ASRGL1: variants seen among roughly 807,000 people sequenced by gnomAD.
ASRGL1 encodes the protein asparaginase and isoaspartyl peptidase 1.
ASRGL1 carries 16 observed loss-of-function variants against 22.4 expected under a neutral mutation model. The observed-to-expected ratio is 0.71, with a 90% confidence interval of 0.48 to 1.08. The LOEUF (loss-of-function observed/expected upper bound fraction) is 1.08. Ranked by LOEUF, ASRGL1 falls within the 50% of genes least tolerant of loss-of-function variation. The pLI is 0.00. For missense variants in ASRGL1, 412 were observed against 410.1 expected, an observed-to-expected ratio of 1.00 and a Z score of -0.04; for synonymous variants, 165 against 159.3, an observed-to-expected ratio of 1.04 and a Z score of -0.27.
At chr11:62,380,911 G>A (rs1437219424) in intron 4 of ASRGL1, among the ~76,000 whole-genome samples, 1 of 152,102 alleles carries the variant, frequency 6.6e-6, no homozygotes, top group Non-Finnish European at 1.5e-5. Context: ...TTTATGTAAT[G>A]CACTACCTTG....
At chr11:62,346,993 C>T (rs1050150505) in intron 2 of ASRGL1, among the ~76,000 whole-genome samples, 3 of 151,560 alleles carry the variant, frequency 2.0e-5, no homozygotes, top group African/African-American at 4.9e-5. Flanking sequence ...AGAAAAATAA[C>T]GTCTGACAAG....
chr11:62,390,781 C>T (rs1947317827), intron 5 of ASRGL1, among the ~76,000 whole-genome samples: 1 of 152,164 alleles, frequency 6.6e-6, no homozygotes, highest in Non-Finnish European at 1.5e-5. Flanking sequence ...GTCCTTGCCC[C>T]ATGTCCAGCA....
rs113740115 is a variant in ASRGL1 at position 62,386,489 on chromosome 11, T to C, written c.492-2644T>C. Among the ~76,000 whole-genome samples the C allele has an allele frequency of 8.8e-4, 60 of 68,260 alleles. 1 individual carries two copies. The highest frequency in any genetic ancestry group is 2.1e-3 in the African/African-American group (60 of 28,942). 44.8% of individuals were successfully genotyped at this position (68,260 alleles called of 152,430 possible). On this transcript the variant is annotated intron_variant, in intron 4 of 6. Transcript: ENST00000415229. ...CATATCATAGATATGTACATATATA[T>C]GTACATATATAGATATGTATAGGGG... is the stretch of plus-strand genomic sequence containing the variant.
intron 4 of ASRGL1, among the ~76,000 whole-genome samples, chr11:62,364,253 G>A (rs978547814): frequency 4.6e-5 from 7 of 151,720 alleles, no homozygotes; most frequent in Non-Finnish European, 8.8e-5. Flanking sequence ...ATGTGTGTGT[G>A]TGCGCGTGCA....
At chr11:62,397,989 G>A (rs956136474), downstream of ASRGL1, among the ~76,000 whole-genome samples, 14 of 151,938 alleles carry the variant, frequency 9.2e-5, no homozygotes, top group African/African-American at 1.7e-4. Context: ...GCCCCTCGGC[G>A]TCGCATCTTC....
chr11:62,365,721 G>A (rs1298081278), intron 4 of ASRGL1, among the ~76,000 whole-genome samples: 2 of 151,684 alleles, frequency 1.3e-5, no homozygotes, highest in Non-Finnish European at 1.5e-5. Context: ...GTGGTGGCAC[G>A]CACCTGTAAT....
intron 4 of ASRGL1, among the ~76,000 whole-genome samples, chr11:62,387,295 T>C (rs759463673): frequency 1.3e-5 from 2 of 152,196 alleles, no homozygotes; most frequent in Non-Finnish European, 2.9e-5. Flanking sequence ...ATAAAAGCCT[T>C]TGCAATGGCC....
chr11:62,340,634 C>T (rs1408400611), intron 2 of ASRGL1, among the ~76,000 whole-genome samples: 1 of 152,178 alleles, frequency 6.6e-6, no homozygotes, highest in African/African-American at 2.4e-5. Context: ...AACGTCTGCC[C>T]TCTCATCTTT....
downstream of ASRGL1, among the ~76,000 whole-genome samples, chr11:62,394,905 A>G (rs1947413350): frequency 6.6e-6 from 1 of 152,116 alleles, no homozygotes; most frequent in Admixed American, 6.5e-5. Flanking sequence ...CTTTTGCCCC[A>G]CAGCTTGTCC....
intron 4 of ASRGL1, chr11:62,372,255 G>C: frequency 6.4e-7 from 1 of 1,574,538 alleles, no homozygotes; most frequent in African/African-American, 1.3e-5. Context: ...CCACACCTTG[G>C]CCTTGACGGA....
chr11:62,367,739 C>T (rs1420962897), intron 4 of ASRGL1, among the ~76,000 whole-genome samples: 18 of 151,670 alleles, frequency 1.2e-4, no homozygotes, highest in South Asian at 2.1e-4. Flanking sequence ...GTCAGGAGTT[C>T]GAGACCAGCC....
Position 62,355,317 on chromosome 11 carries a change from C to T in ASRGL1, c.191-1008C>T, listed in dbSNP as rs140678636. 4.6e-3 allele frequency among the ~76,000 whole-genome samples: 697 copies of T among 152,154 alleles called. 9 individuals carry two copies. The highest frequency in any genetic ancestry group is 0.016 in the African/African-American group (668 of 41,480). On this transcript the variant is annotated intron_variant, in intron 2 of 6. Transcript: ENST00000415229. ...CTCGGCTCACGGCAACCTCCGCCTC[C>T]CAAGTTCAAGCAATTTTCCTGCCTC...
chr11:62,377,581 T>C (rs1161225653), intron 4 of ASRGL1, among the ~76,000 whole-genome samples: 7 of 152,170 alleles, frequency 4.6e-5, no homozygotes, highest in Admixed American at 4.6e-4. Flanking sequence ...TCTCGTAATT[T>C]TAGGTAAAAT....
At chr11:62,397,723 T>C (rs947118587), downstream of ASRGL1, among the ~76,000 whole-genome samples, 2 of 151,966 alleles carry the variant, frequency 1.3e-5, no homozygotes, top group African/African-American at 4.8e-5. Context: ...ATATCACTAT[T>C]AAAATCTTAC....
intron 2 of ASRGL1, among the ~76,000 whole-genome samples, chr11:62,346,918 T>C (rs1946038571): frequency 6.7e-6 from 1 of 150,054 alleles, no homozygotes; most frequent in Non-Finnish European, 1.5e-5. Context: ...TGCAGTGAGC[T>C]GAGATGGCAC....
intron 4 of ASRGL1, among the ~76,000 whole-genome samples, chr11:62,386,751 A>G (rs1156338766): frequency 6.6e-6 from 1 of 152,210 alleles, no homozygotes; most frequent in Non-Finnish European, 1.5e-5. Context: ...GATACTGTGA[A>G]ATGCTTTTCC....
At chr11:62,368,349 A>G (rs1946672039) in intron 4 of ASRGL1, among the ~76,000 whole-genome samples, 1 of 152,146 alleles carries the variant, frequency 6.6e-6, no homozygotes, top group Non-Finnish European at 1.5e-5. Context: ...CTACTGTTTT[A>G]CACCTACTGC....
rs1347099691 is a variant in ASRGL1 at position 62,376,152 on chromosome 11, T to G, written c.492-12981T>G. Among the ~76,000 whole-genome samples the G allele has an allele frequency of 2.7e-5, 4 of 149,744 alleles. No individual in the cohort carries two copies. The East Asian group carries it at 7.8e-4, about 29-fold the overall frequency. On this transcript the variant is annotated intron_variant, in intron 4 of 6. Transcript: ENST00000415229. ...CTACAAGCAGCCTACTCTCTGGAGT[T>G]TGTGTCACCTTTGTGTTCTCAAGGC...
At chr11:62,378,805 G>A (rs190292465) in intron 4 of ASRGL1, among the ~76,000 whole-genome samples, 9 of 151,988 alleles carry the variant, frequency 5.9e-5, no homozygotes, top group South Asian at 4.2e-4. Flanking sequence ...TTTTGGTAGC[G>A]GCCACTGATT....
Sources: gnomAD v4.1 joint callset for allele counts (sites outside exome capture counted in the v4.1 genomes callset) on GRCh38, gnomAD v4.1.1 for gene constraint, MANE v1.5 for transcripts, NCBI Gene and HGNC (gene_info 2026-07-23, HGNC 2026-07-21) for gene names.